The following ATM variants were observed in gnomAD, a reference collection of about 807,000 sequenced individuals.
ATM encodes the protein serine-protein kinase ATM.
ATM carries 308 observed loss-of-function variants against 387.0 expected under a neutral mutation model. That is an observed-to-expected ratio of 0.80 (90% CI 0.73 to 0.87). The LOEUF (loss-of-function observed/expected upper bound fraction) is 0.87, where lower values mean the gene tolerates loss of function less well. Among genes scored for constraint, ATM ranks in the 40% least tolerant of loss-of-function variants. The pLI is 0.00. For missense variants in ATM, 3,312 were observed against 3,560.9 expected (o/e 0.93, Z 1.78); for synonymous variants, 1,156 against 1,187.3 (o/e 0.97, Z 0.54).
intron 56 of ATM, among the ~76,000 whole-genome samples, chr11:108,339,678 A>G (rs1354894295): frequency 1.3e-5 from 2 of 152,170 alleles, no homozygotes; most frequent in Non-Finnish European, 1.5e-5. Context: ...GCTGAGGTAG[A>G]AAAAAGCCAA....
Position 108,365,152 on chromosome 11 carries a change from C to T in ATM, c.8921C>T (p.Pro2974Leu), listed in dbSNP as rs139379666. ...AAAGCTTTGTATTTACAGCAGAGGC[C>T]GGAAGATGAAACTGAGCTTCACCCT... ...PLKALYLQQR[P>L]EDETELHPTL... Residue 2974 changes from proline (P) to leucine (L), a missense_variant, in exon 62 of 63, where the codon CCG (proline) becomes CTG (leucine). Coordinates refer to ENST00000675843, the MANE Select transcript of ATM (RefSeq NM_000051.4). 158 of 1,614,118 alleles carry T rather than the reference C, an allele frequency of 9.8e-5. No homozygotes were observed. In the East Asian group the frequency reaches 2.3e-3, roughly 23 times the overall value.
In ATM at chr11:108,312,403, A is replaced by G. The variant is rs1176654682; in HGVS notation, c.5919-8A>G. 2.5e-6 allele frequency: 4 copies of G among 1,570,438 alleles called. No homozygotes were observed. Among genetic ancestry groups the G allele is most frequent in the East Asian group, 4.5e-5 (2 of 44,522 alleles). ...TCTCATTAAAAGAGGTGTTCTTGTG[A>G]CAAACAGAAGTCTTGCATTTGAAGA... On this transcript the variant is annotated splice_polypyrimidine_tract_variant and splice_region_variant and intron_variant, in intron 39 of 62. Transcript: ENST00000675843.
chr11:108,321,219 C>T lies in ATM; in HGVS notation c.6453-82C>T, dbSNP rs184844807. 2.8e-5 allele frequency: 44 copies of T among 1,571,010 alleles called. No individual in the cohort carries two copies. The African/African-American group carries it at 5.0e-4, about 18-fold the overall frequency. ...TCAGTAGCAAAGCCTATGATGAGAA[C>T]TCTTTAACAACAAATTTAAACATTT... On this transcript the variant is annotated intron_variant, in intron 44 of 62. Transcript: ENST00000675843.
chr11:108,325,236 C>G (rs4988103), intron 45 of ATM, 74 bp from the exon 46 acceptor site: 239 of 1,031,376 alleles, frequency 2.3e-4, no homozygotes, highest in Non-Finnish European at 3.1e-4. Flanking sequence ...TCGTAAGTTC[C>G]AGAACTTACA....
intron 4 of ATM, among the ~76,000 whole-genome samples, chr11:108,233,124 A>C (rs1209582090): frequency 3.3e-5 from 5 of 152,016 alleles, no homozygotes; most frequent in Admixed American, 3.3e-4. Context: ...GTCATCCCAA[A>C]CTGCTGGGTT....
intron 47 of ATM, among the ~76,000 whole-genome samples, chr11:108,326,433 G>T (rs1390973461): frequency 5.3e-5 from 8 of 152,156 alleles, no homozygotes; most frequent in Admixed American, 3.3e-4. Flanking sequence ...AGTCCATCAT[G>T]TGGTCGATTC....
chr11:108,356,694 C>G (rs2089967022), intron 61 of ATM, among the ~76,000 whole-genome samples: 1 of 152,106 alleles, frequency 6.6e-6, no homozygotes, highest in Non-Finnish European at 1.5e-5. Flanking sequence ...TGTATCCTAC[C>G]TAACACTCAC....
At chr11:108,271,890 G>A (rs665293) in intron 20 of ATM, among the ~76,000 whole-genome samples, 42,469 of 151,992 alleles carry the variant, frequency 0.28, 7,094 homozygotes, top group Middle Eastern at 0.54. Flanking sequence ...TTTTGAGATG[G>A]AGTCTCACTC....
At chr11:108,231,730 A>G (rs560313790) in intron 4 of ATM, 5 of 151,392 alleles carry the variant, frequency 3.3e-5, no homozygotes, top group African/African-American at 1.2e-4. Flanking sequence ...GAATCAGGAA[A>G]GCCCCCAAAT....
intron 29 of ATM, 113 bp downstream of exon 29, chr11:108,289,914 TG>T: frequency 9.5e-7 from 1 of 1,048,682 alleles, no homozygotes; most frequent in Non-Finnish European, 1.4e-6. Context: ...CCGCCCAGGC[TG>T]GGTGCAGTCA....
At position 108,332,811 on chromosome 11, in the gene ATM, G is replaced by T. The variant is rs2136564878; in HGVS notation, c.7838G>T (p.Arg2613Ile). The T allele has an allele frequency of 6.2e-7, 1 of 1,613,402 alleles. No individual in the cohort carries two copies. Among genetic ancestry groups the T allele is most frequent in the Non-Finnish European group, 8.5e-7 (1 of 1,179,714 alleles). The change falls in exon 53 of 63, where the codon AGA becomes ATA. Residue 2613 changes from arginine to isoleucine, a missense_variant. Coordinates refer to ENST00000675843, the MANE Select transcript of ATM (RefSeq NM_000051.4). The stretch of plus-strand genomic sequence containing the variant: ...ATAATATGTACTATCAGAAGTAGGA[G>T]ACCTCAGATGGTCAGAAGTGTTGAG... ...NRIICTIRSR[R>I]PQMVRSVEAL...
intron 31 of ATM, 123 bp from the exon 32 acceptor site, chr11:108,294,801 TTAG>T (rs2083025794): frequency 1.1e-6 from 1 of 949,278 alleles, no homozygotes; most frequent in East Asian, 2.5e-5. Flanking sequence ...TCTTCCTTGA[TTAG>T]TAGTAATAGA....
intron 45 of ATM, 116 bp from the exon 46 acceptor site, chr11:108,325,194 C>A: frequency 1.4e-6 from 1 of 728,140 alleles, no homozygotes; most frequent in Non-Finnish European, 2.2e-6. Flanking sequence ...CTTGTCACTA[C>A]AAAAGTTCCT....
In ATM at chr11:108,236,048, T is replaced by C. The variant is rs866378442; in HGVS notation, c.496+214T>C. The C allele has an allele frequency of 8.7e-6, 5 of 577,556 alleles. 1 individual carries two copies. Among genetic ancestry groups the C allele is most frequent in the South Asian group, 8.0e-5 (4 of 49,780 alleles). The allele number at this position is 577,556 out of a possible 1,614,324, so 35.8% of individuals were successfully genotyped here. On this transcript the variant is annotated intron_variant, in intron 5 of 62. Coordinates refer to ENST00000675843, the MANE Select transcript of ATM (RefSeq NM_000051.4). ...TGAATAATATATCAGGTGCCTGATA[T>C]CAGAGCCGGAATTACAGTTGAAAAA...
chr11:108,317,124 G>A (rs1218678072), intron 42 of ATM, among the ~76,000 whole-genome samples: 1 of 149,070 alleles, frequency 6.7e-6, no homozygotes, highest in Non-Finnish European at 1.5e-5. Context: ...AAAAATTGTA[G>A]AGACAGGTCT....
In ATM at chr11:108,310,232, T is replaced by G. The variant is rs768106055; in HGVS notation, c.5835T>G (p.Ala1945=). The change falls in exon 39 of 63, where the codon GCT becomes GCG. Residue 1945 remains alanine, a synonymous_variant. Transcript: ENST00000675843. The part of the protein sequence containing the change: ...DLNYLEVAKV[A]QSCAAHFTAL... ...ATTATCTAGAAGTTGCCAAGGTAGC[T>G]CAGTCTTGTGCTGCTCACTTTACAG... The G allele has an allele frequency of 5.0e-6, 8 of 1,613,502 alleles. No homozygotes were observed. In the East Asian group the frequency reaches 1.1e-4, roughly 23 times the overall value.
At chr11:108,302,768 A>G in intron 35 of ATM, 85 bp from the exon 36 acceptor site, 3 of 1,290,610 alleles carry the variant, frequency 2.3e-6, no homozygotes, top group Non-Finnish European at 3.3e-6. Flanking sequence ...TTTATTCAGA[A>G]AGATTTGTTA....
chr11:108,333,263 C>G lies in ATM; in HGVS notation c.7927+363C>G, dbSNP rs187575229. ...TGTGGTTACTAAAACTGCCCTGGGA[C>G]TTAAAAACAAAAAAAGGCTTTACCA... is the stretch of plus-strand genomic sequence containing the variant. On this transcript the variant is annotated intron_variant, in intron 53 of 62. Coordinates refer to ENST00000675843, the MANE Select transcript of ATM (RefSeq NM_000051.4). 2.1e-3 allele frequency among the ~76,000 whole-genome samples: 316 copies of G among 152,030 alleles called. 1 individual carries two copies. Among genetic ancestry groups the G allele is most frequent in the African/African-American group, 7.1e-3 (294 of 41,510 alleles).
chr11:108,299,048 G>A (rs537071148), intron 33 of ATM, among the ~76,000 whole-genome samples: 1 of 152,290 alleles, frequency 6.6e-6, no homozygotes, highest in African/African-American at 2.4e-5. Context: ...ACACTCAACG[G>A]GAGGGAAGTT....
Sources: allele counts gnomAD v4.1 joint callset (sites outside exome capture counted in the v4.1 genomes callset), GRCh38; gene constraint gnomAD v4.1.1; transcripts MANE v1.5; gene names NCBI Gene and HGNC (gene_info 2026-07-23, HGNC 2026-07-21).